Variants in IL1RAPL2 observed in about 807,000 individuals in gnomAD.
The protein encoded by IL1RAPL2 is X-linked interleukin-1 receptor accessory protein-like 2.
IL1RAPL2 carries 3 observed loss-of-function variants against 44.1 expected under a neutral mutation model. That is an observed-to-expected ratio of 0.07 (90% CI 0.03 to 0.18). IL1RAPL2 has a LOEUF of 0.18. IL1RAPL2 is among the 10% of genes least tolerant of loss of function. The pLI is 1.00. For missense variants in IL1RAPL2, 391 were observed against 496.4 expected, an observed-to-expected ratio of 0.79 and a Z score of 2.02; for synonymous variants, 181 against 178.8, an observed-to-expected ratio of 1.01 and a Z score of -0.10.
chrX:105,413,474 T>C lies in IL1RAPL2; in HGVS notation c.698-70839T>C, dbSNP rs765257976. 3.9e-3 allele frequency among the ~76,000 whole-genome samples: 433 copies of C among 111,314 alleles called. 4 individuals are homozygous for C. Among genetic ancestry groups the C allele is most frequent in the African/African-American group, 0.013 (394 of 30,579 alleles). On this transcript the variant is annotated intron_variant, in intron 5 of 10. Coordinates refer to ENST00000372582, the MANE Select transcript of IL1RAPL2 (RefSeq NM_017416.2). The stretch of plus-strand genomic sequence containing the variant: ...GGAGTCAGTCCAGCTCTACTGGCTT[T>C]GAAGATGGAGCCATGGGACCATGAG...
At chrX:105,004,905 T>TCC (rs2030914234) in intron 2 of IL1RAPL2, among the ~76,000 whole-genome samples, 1 of 110,997 alleles carries the variant, frequency 9.0e-6, no homozygotes, top group Non-Finnish European at 1.9e-5. Flanking sequence ...GGTTAAAATA[T>TCC]CCCCGTCCCT....
intron 2 of IL1RAPL2, among the ~76,000 whole-genome samples, chrX:104,796,484 G>A (rs1397361457): frequency 8.9e-6 from 1 of 112,140 alleles, no homozygotes; most frequent in Non-Finnish European, 1.9e-5. Context: ...AGTGGCTGAA[G>A]GGAAAACAAA....
intron 2 of IL1RAPL2, among the ~76,000 whole-genome samples, chrX:105,082,609 C>T (rs1340690061): frequency 1.8e-5 from 2 of 111,425 alleles, no homozygotes; most frequent in East Asian, 2.8e-4. Context: ...AAAGAACAGG[C>T]AGCAATCTTT....
At chrX:105,320,896 G>A (rs1237465990) in intron 5 of IL1RAPL2, among the ~76,000 whole-genome samples, 4 of 111,723 alleles carry the variant, frequency 3.6e-5, no homozygotes, top group Non-Finnish European at 7.5e-5. Flanking sequence ...CTGCACCAGT[G>A]TTTCATCCCT....
intron 6 of IL1RAPL2, among the ~76,000 whole-genome samples, chrX:105,612,108 G>GTTT (rs2037340764): frequency 9.0e-6 from 1 of 110,723 alleles, no homozygotes; most frequent in Admixed American, 9.7e-5. Context: ...TTGTTTGTTT[G>GTTT]TTTGTTTTTT....
chrX:105,637,849 G>T (rs1258039349), intron 6 of IL1RAPL2, among the ~76,000 whole-genome samples: 1 of 109,455 alleles, frequency 9.1e-6, no homozygotes, highest in East Asian at 2.9e-4. Flanking sequence ...GGCCCATCTG[G>T]AATAGTCACT....
chrX:105,459,628 G>T (rs754581664), intron 5 of IL1RAPL2, among the ~76,000 whole-genome samples: 7 of 111,329 alleles, frequency 6.3e-5, no homozygotes, highest in African/African-American at 1.6e-4. Flanking sequence ...AAAACAGGTT[G>T]CTATAATAAT....
At chrX:105,759,741 T>C (rs2038671241) in intron 10 of IL1RAPL2, among the ~76,000 whole-genome samples, 1 of 112,214 alleles carries the variant, frequency 8.9e-6, no homozygotes, top group South Asian at 3.7e-4. Context: ...GCCATGTGAT[T>C]GTGCTGACAA....
chrX:105,255,087 A>G (rs1462272672), intron 4 of IL1RAPL2, among the ~76,000 whole-genome samples: 1 of 111,583 alleles, frequency 9.0e-6, no homozygotes, highest in Non-Finnish European at 1.9e-5. Flanking sequence ...GAAGAATATC[A>G]TTGGTAATTT....
intron 2 of IL1RAPL2, among the ~76,000 whole-genome samples, chrX:105,048,329 A>G (rs1298825805): frequency 3.6e-5 from 4 of 112,281 alleles, no homozygotes; most frequent in Non-Finnish European, 7.5e-5. Flanking sequence ...TTCATGCTTA[A>G]TGAACTAAAT....
At chrX:104,722,586 A>G (rs1326018865) in intron 2 of IL1RAPL2, among the ~76,000 whole-genome samples, 1 of 111,917 alleles carries the variant, frequency 8.9e-6, no homozygotes, top group South Asian at 3.6e-4. Flanking sequence ...AACTCTGTCC[A>G]TGTGTTCAAA....
At chrX:105,366,487 A>G (rs2035296075) in intron 5 of IL1RAPL2, among the ~76,000 whole-genome samples, 1 of 109,750 alleles carries the variant, frequency 9.1e-6, no homozygotes, top group Non-Finnish European at 1.9e-5. Context: ...TGTCACTTTG[A>G]ACTTCCCTCT....
intron 2 of IL1RAPL2, among the ~76,000 whole-genome samples, chrX:104,680,674 T>C (rs1355575423): frequency 1.8e-5 from 2 of 111,746 alleles, no homozygotes; most frequent in African/African-American, 6.5e-5. Flanking sequence ...ATAGTTCTAC[T>C]TTCAGGAGGC....
chrX:105,467,373 T>C (rs934497852), intron 5 of IL1RAPL2, among the ~76,000 whole-genome samples: 1 of 111,575 alleles, frequency 9.0e-6, no homozygotes, highest in African/African-American at 3.3e-5. Context: ...ACAAAGTTGC[T>C]CAGGGAAGAC....
chrX:105,183,776 C>T (rs113000618), intron 2 of IL1RAPL2, among the ~76,000 whole-genome samples: 70 of 111,612 alleles, frequency 6.3e-4, no homozygotes, highest in Non-Finnish European at 1.2e-3. Context: ...GCTGGCATTG[C>T]ACCACTGAAG....
At chrX:105,563,315 G>A (rs368772820) in intron 6 of IL1RAPL2, among the ~76,000 whole-genome samples, 4 of 111,473 alleles carry the variant, frequency 3.6e-5, no homozygotes, top group South Asian at 7.6e-4. Flanking sequence ...AACTCAACTA[G>A]TCTAGCATCA....
At chrX:105,126,463 A>G (rs924546935) in intron 2 of IL1RAPL2, among the ~76,000 whole-genome samples, 1 of 111,144 alleles carries the variant, frequency 9.0e-6, no homozygotes, top group Admixed American at 9.5e-5. Context: ...ACATCCCTGC[A>G]TAATTGACAC....
intron 2 of IL1RAPL2, among the ~76,000 whole-genome samples, chrX:104,729,249 AG>A (rs1199509129): frequency 9.0e-6 from 1 of 111,315 alleles, no homozygotes; most frequent in Non-Finnish European, 1.9e-5. Flanking sequence ...CATATGCCAA[AG>A]GTATAGAAGC....
At chrX:105,647,460 T>C (rs983201443) in intron 6 of IL1RAPL2, among the ~76,000 whole-genome samples, 3 of 111,855 alleles carry the variant, frequency 2.7e-5, no homozygotes, top group African/African-American at 9.8e-5. Flanking sequence ...GATTTGATTA[T>C]TTCTTTACCT....
Sources: gnomAD v4.1 joint callset for allele counts (sites outside exome capture counted in the v4.1 genomes callset) on GRCh38, gnomAD v4.1.1 for gene constraint, MANE v1.5 for transcripts, NCBI Gene and HGNC (gene_info 2026-07-23, HGNC 2026-07-21) for gene names.